The following LINGO2 variants were observed in gnomAD, a reference collection of about 807,000 sequenced individuals.
LINGO2 encodes the protein leucine-rich repeat and immunoglobulin-like domain-containing nogo receptor-interacting protein 2.
In LINGO2, 14 loss-of-function variants were observed where a neutral mutation model predicts 30.6. The observed-to-expected ratio is 0.46, with a 90% CI of 0.30 to 0.72. The LOEUF (loss-of-function observed/expected upper bound fraction) is 0.72, where lower values mean the gene tolerates loss of function less well. Ranked by LOEUF, LINGO2 falls within the 30% of genes least tolerant of loss-of-function variation. LINGO2 has a pLI of 0.07. For missense variants in LINGO2, 729 were observed against 751.7 expected, an observed-to-expected ratio of 0.97 and a Z score of 0.35; for synonymous variants, 317 against 288.5, an observed-to-expected ratio of 1.10 and a Z score of -1.00.
intron 1 of LINGO2, among the ~76,000 whole-genome samples, chr9:28,481,705 G>A (rs1564229909): frequency 6.6e-6 from 1 of 151,970 alleles, no homozygotes; most frequent in Non-Finnish European, 1.5e-5. Context: ...CATGTGCATT[G>A]CTGGTGCGCT....
At chr9:28,436,616 A>C (rs1223737852) in intron 2 of LINGO2, among the ~76,000 whole-genome samples, 3 of 151,798 alleles carry the variant, frequency 2.0e-5, no homozygotes, top group South Asian at 2.1e-4. Flanking sequence ...CGCCACCACG[A>C]CCGGCTAATT....
chr9:27,954,829 G>A (rs1234147576), intron 5 of LINGO2, among the ~76,000 whole-genome samples: 1 of 152,122 alleles, frequency 6.6e-6, no homozygotes, highest in Non-Finnish European at 1.5e-5. Context: ...TTTTCATACT[G>A]TTTACCATAG....
intron 4 of LINGO2, among the ~76,000 whole-genome samples, chr9:28,285,068 AGT>A (rs1823458026): frequency 6.6e-6 from 1 of 152,204 alleles, no homozygotes; most frequent in South Asian, 2.1e-4. Context: ...ACACTTATTG[AGT>A]GTTTATGAGG....
intron 1 of LINGO2, among the ~76,000 whole-genome samples, chr9:28,655,647 A>C (rs1366840174): frequency 1.3e-5 from 2 of 152,006 alleles, no homozygotes; most frequent in African/African-American, 4.8e-5. Flanking sequence ...TAATTGCATC[A>C]TGGGGGCAGT....
rs1825339853 is a variant in LINGO2 at position 28,329,373 on chromosome 9, C to T, written c.-245-34007G>A. ...CAGTACCTTCTGCCTGTTACTAAAC[C>T]CCTTCTCTCCATATGGCTTAACTTG... On this transcript the variant is annotated intron_variant, in intron 3 of 5. Coordinates refer to ENST00000379992, the Ensembl canonical transcript of LINGO2. The surrounding 1 kb of genome is among the most constrained non-coding windows in gnomAD (Gnocchi z 4.5). Among the ~76,000 whole-genome samples the T allele has an allele frequency of 6.6e-6, 1 of 152,054 alleles. No homozygotes were observed. The highest frequency in any genetic ancestry group is 2.1e-4 in the South Asian group (1 of 4,830).
intron 2 of LINGO2, among the ~76,000 whole-genome samples, chr9:28,415,535 C>T (rs1822932141): frequency 1.3e-5 from 2 of 152,086 alleles, no homozygotes; most frequent in African/African-American, 4.8e-5. Flanking sequence ...TCACTTGGCT[C>T]CTATCTTCCG....
intron 4 of LINGO2, among the ~76,000 whole-genome samples, chr9:28,070,198 GCATATACA>G (rs758875330): frequency 6.6e-5 from 10 of 152,084 alleles, no homozygotes; most frequent in Non-Finnish European, 1.2e-4. Flanking sequence ...AAGCACAACT[GCATATACA>G]CATTCCTCAC....
the LINGO2 span, among the ~76,000 whole-genome samples, chr9:28,702,253 T>C: frequency 6.6e-6 from 1 of 151,844 alleles, no homozygotes; most frequent in Non-Finnish European, 1.5e-5. Context: ...AAGTTAACTT[T>C]AGAATTTTTT....
intron 1 of LINGO2, among the ~76,000 whole-genome samples, chr9:28,543,034 T>G (rs1382828367): frequency 6.6e-6 from 1 of 152,078 alleles, no homozygotes; most frequent in African/African-American, 2.4e-5. Context: ...GTAAAACATG[T>G]CCTTTGCCAA....
Position 28,521,312 on chromosome 9 carries a change from A to G in LINGO2, c.-364-45287T>C, listed in dbSNP as rs1820820518. On this transcript the variant is annotated intron_variant, in intron 1 of 5. Transcript: ENST00000379992. ...CTAAGGCAGCTAACTTTCCTGCTAT[A>G]CTATTCAAAACTGTAGTGAGGGTAT... is the stretch of plus-strand genomic sequence containing the variant. Among the ~76,000 whole-genome samples, 3 of 152,156 alleles carry G rather than the reference A, an allele frequency of 2.0e-5. No homozygotes were observed. In the South Asian group the frequency reaches 6.2e-4, roughly 31 times the overall value.
chr9:27,941,310 G>C, the LINGO2 span: 1 of 152,424 alleles, frequency 6.6e-6, no homozygotes, highest in African/African-American at 2.4e-5. Flanking sequence ...GGTGGTGGGT[G>C]CCTGTAATCC....
the LINGO2 span, among the ~76,000 whole-genome samples, chr9:28,992,733 T>C: frequency 6.6e-6 from 1 of 152,086 alleles, no homozygotes; most frequent in South Asian, 2.1e-4. Flanking sequence ...CTCAACTACA[T>C]GGAAACTGAA....
intron 4 of LINGO2, among the ~76,000 whole-genome samples, chr9:28,027,423 T>C (rs1336475326): frequency 1.3e-5 from 2 of 152,086 alleles, no homozygotes; most frequent in Non-Finnish European, 2.9e-5. Flanking sequence ...GCAATAACAA[T>C]CTCTTGTGTG....
the LINGO2 span, among the ~76,000 whole-genome samples, chr9:28,776,830 CTT>C: frequency 3.5e-5 from 5 of 144,676 alleles, no homozygotes; most frequent in Admixed American, 6.9e-5. Flanking sequence ...ACAGCTGCCT[CTT>C]TTTTTTTTTT....
intron 2 of LINGO2, among the ~76,000 whole-genome samples, chr9:28,460,798 G>A (rs891613966): frequency 5.3e-5 from 8 of 152,102 alleles, no homozygotes; most frequent in Admixed American, 2.6e-4. Context: ...CCAGCCTGGA[G>A]GGCAAGTGTG....
chr9:28,054,437 T>C (rs1389870747), intron 4 of LINGO2, among the ~76,000 whole-genome samples: 1 of 152,168 alleles, frequency 6.6e-6, no homozygotes, highest in Non-Finnish European at 1.5e-5. Context: ...ATCTCCACGT[T>C]ACTGCTATAC....
At chr9:28,007,605 T>C (rs554497776) in intron 5 of LINGO2, among the ~76,000 whole-genome samples, 1 of 152,326 alleles carries the variant, frequency 6.6e-6, no homozygotes, top group South Asian at 2.1e-4. Context: ...CCAGATGCCC[T>C]GACAAATAAA....
chr9:28,081,871 A>T (rs556883623), intron 4 of LINGO2, among the ~76,000 whole-genome samples: 1 of 152,178 alleles, frequency 6.6e-6, no homozygotes, highest in South Asian at 2.1e-4. Flanking sequence ...TTTTTATGTC[A>T]TATAAAAGTA....
chr9:28,554,692 A>G (rs1257918044), intron 1 of LINGO2, among the ~76,000 whole-genome samples: 2 of 70,062 alleles, frequency 2.9e-5, no homozygotes, highest in African/African-American at 5.9e-5. Flanking sequence ...TCAACAGAAT[A>G]TACATTTTTT....
Sources: gnomAD v4.1 joint callset for allele counts (sites outside exome capture counted in the v4.1 genomes callset) on GRCh38, gnomAD v4.1.1 for gene constraint, Gnocchi (gnomAD v3.1) non-coding constraint, MANE v1.5 for transcripts, NCBI Gene and HGNC (gene_info 2026-07-23, HGNC 2026-07-21) for gene names.